ACBD5: variants seen among roughly 807,000 people sequenced by gnomAD.
ACBD5 encodes the protein acyl-CoA binding domain containing 5.
In ACBD5, 40 loss-of-function variants were observed where a neutral mutation model predicts 71.8. The ratio of observed to expected loss-of-function variants is 0.56; its 90% CI spans 0.43 to 0.72. The LOEUF (loss-of-function observed/expected upper bound fraction) is 0.72, where lower values mean the gene tolerates loss of function less well. Ranked by LOEUF, ACBD5 falls within the 30% of genes least tolerant of loss-of-function variation. The probability of loss-of-function intolerance (pLI) is 0.00; values close to 1 mark genes in which losing one functional copy is unlikely to be tolerated. For missense variants in ACBD5, 559 were observed against 644.5 expected (o/e 0.87, Z 1.44); for synonymous variants, 229 against 218.6 (o/e 1.05, Z -0.42).
chr10:27,220,829 C>T (rs968021555), intron 5 of ACBD5, among the ~76,000 whole-genome samples: 6 of 152,140 alleles, frequency 3.9e-5, no homozygotes, highest in African/African-American at 1.4e-4. Context: ...CAATGTAAAA[C>T]TGATACATCT....
chr10:27,207,945 G>C (rs1269379857), intron 10 of ACBD5, among the ~76,000 whole-genome samples: 2 of 152,116 alleles, frequency 1.3e-5, no homozygotes, highest in African/African-American at 4.8e-5. Context: ...ATAGTGGCCA[G>C]TCTGGTCTCA....
chr10:27,205,866 T>C (rs1450206188), intron 10 of ACBD5, among the ~76,000 whole-genome samples: 2 of 152,104 alleles, frequency 1.3e-5, no homozygotes, highest in Non-Finnish European at 2.9e-5. Context: ...AAGTGAATTA[T>C]GCAAATTTTA....
intron 4 of ACBD5, among the ~76,000 whole-genome samples, chr10:27,231,121 T>C (rs1324051714): frequency 6.6e-6 from 1 of 152,220 alleles, no homozygotes; most frequent in Admixed American, 6.6e-5. Context: ...AGAGTCCAGC[T>C]ACTTCCTAGA....
chr10:27,228,815 A>ATATATATATTT (rs1554856598), intron 4 of ACBD5, among the ~76,000 whole-genome samples: 3 of 20,366 alleles, frequency 1.5e-4, no homozygotes, highest in African/African-American at 3.5e-4. Flanking sequence ...ATATATATAT[A>ATATATATATTT]TTTTTTTTTT....
chr10:27,188,050 C>T (rs2058877816), intron 13 of ACBD5, among the ~76,000 whole-genome samples: 1 of 152,152 alleles, frequency 6.6e-6, no homozygotes, highest in Non-Finnish European at 1.5e-5. Context: ...AGTGTTTTTA[C>T]TTTCCATTAC....
intron 12 of ACBD5, among the ~76,000 whole-genome samples, chr10:27,200,163 C>G (rs962655378): frequency 2.6e-5 from 4 of 151,962 alleles, no homozygotes; most frequent in African/African-American, 4.8e-5. Flanking sequence ...GATAGGAGGT[C>G]GGCACAAGAT....
intron 6 of ACBD5, 51 bp downstream of exon 6, chr10:27,219,672 C>G: frequency 1.2e-6 from 2 of 1,606,492 alleles, no homozygotes; most frequent in African/African-American, 2.7e-5. Flanking sequence ...TGTCTTCATA[C>G]CCTCTTAGTT....
intron 12 of ACBD5, among the ~76,000 whole-genome samples, chr10:27,198,383 C>T (rs2059573924): frequency 6.6e-6 from 1 of 152,198 alleles, no homozygotes; most frequent in African/African-American, 2.4e-5. Context: ...CTGAGTTCTG[C>T]TCTAAAATCT....
At chr10:27,230,690 G>A (rs374708797) in intron 4 of ACBD5, among the ~76,000 whole-genome samples, 16 of 150,618 alleles carry the variant, frequency 1.1e-4, no homozygotes, top group East Asian at 5.9e-4. Flanking sequence ...CTAGCTACTT[G>A]GGAGGCTGAG....
At chr10:27,213,443 C>T (rs1057035296) in intron 8 of ACBD5, among the ~76,000 whole-genome samples, 1 of 152,040 alleles carries the variant, frequency 6.6e-6, no homozygotes, top group African/African-American at 2.4e-5. Flanking sequence ...CTGGGGAGAA[C>T]AGTATGGAAG....
downstream of ACBD5, among the ~76,000 whole-genome samples, chr10:27,190,815 G>A (rs1030180643): frequency 6.6e-6 from 1 of 152,296 alleles, no homozygotes; most frequent in East Asian, 1.9e-4. Flanking sequence ...ATATTTTAGA[G>A]GTAGGAGCAA....
In ACBD5 at chr10:27,195,498, T is replaced by C. The variant is rs2059304022; in HGVS notation, c.*1932A>G. The stretch of plus-strand genomic sequence containing the variant: ...ATTCACAACTGCTTACACTCTTAAT[T>C]TGCATTTTATTTATTTATATACTAA... On this transcript the variant is annotated 3_prime_UTR_variant, in exon 13 of 13. Transcript: ENST00000396271. The C allele has an allele frequency of 2.2e-6, 1 of 453,854 alleles. No homozygotes were observed. The highest frequency in any genetic ancestry group is 2.4e-5 in the Admixed American group (1 of 42,538). 28.1% of individuals were successfully genotyped at this position (453,854 alleles called of 1,614,324 possible). A position where few individuals can be genotyped will look rare whatever the true frequency, so the allele number is the denominator to read the frequency against.
At chr10:27,237,950 T>A (rs1243196203) in intron 2 of ACBD5, among the ~76,000 whole-genome samples, 2 of 149,810 alleles carry the variant, frequency 1.3e-5, no homozygotes, top group East Asian at 2.0e-4. Context: ...TTAATTTAAT[T>A]TAATTTTATT....
intron 3 of ACBD5, among the ~76,000 whole-genome samples, chr10:27,232,726 C>G (rs1159790163): frequency 1.3e-5 from 2 of 152,170 alleles, no homozygotes; most frequent in Non-Finnish European, 2.9e-5. Context: ...AATGGTTTCT[C>G]ACTTCTAGGA....
At chr10:27,205,000 A>G (rs899709502) in intron 11 of ACBD5, among the ~76,000 whole-genome samples, 198 bp downstream of exon 11, 5 of 151,870 alleles carry the variant, frequency 3.3e-5, no homozygotes, top group Non-Finnish European at 7.4e-5. Context: ...GGTGGCGGGC[A>G]CCTGTAGTCC....
intron 7 of ACBD5, among the ~76,000 whole-genome samples, chr10:27,217,488 G>T (rs904506120): frequency 1.3e-5 from 2 of 149,470 alleles, no homozygotes; most frequent in Admixed American, 6.7e-5. Flanking sequence ...AAAAAGAAAT[G>T]ATGTTTCTCA....
chr10:27,218,166 T>G lies in ACBD5; in HGVS notation c.643A>C (p.Lys215Gln). Residue 215 changes from lysine to glutamine, a missense_variant, in exon 7 of 13, where the codon AAG (lysine) becomes CAG (glutamine). Lys to Gln is a moderately conservative substitution (Grantham distance 53). Coordinates refer to ENST00000396271, the MANE Select transcript of ACBD5 (RefSeq NM_145698.5). ...QSDNDKKMMKKSADHKNLEVI... is the reference protein window; with the variant it reads ...QSDNDKKMMKQSADHKNLEVI... The stretch of plus-strand genomic sequence containing the variant: ...TCCAAATTCTTATGGTCTGCTGACT[T>G]CTTCATCATTTTCTTATCTTTTACG... The G allele has an allele frequency of 1.2e-6, 2 of 1,613,738 alleles. No homozygotes were observed. Among genetic ancestry groups the G allele is most frequent in the South Asian group, 1.1e-5 (1 of 91,070 alleles).
At position 27,196,995 on chromosome 10, in the gene ACBD5, A is replaced by G. The variant is rs1389753823; in HGVS notation, c.*435T>C. The G allele has an allele frequency of 2.2e-6, 1 of 451,494 alleles. No homozygotes were observed. Among genetic ancestry groups the G allele is most frequent in the Admixed American group, 2.4e-5 (1 of 42,484 alleles). 28.0% of individuals were successfully genotyped at this position (451,494 alleles called of 1,614,324 possible). Reference sequence around the variant, plus strand: ...GTCGATTACATCTCATTTGAAATTCACTCCTGGTTTGCATTCTTTCTTTTA... The same window carrying G: ...GTCGATTACATCTCATTTGAAATTCGCTCCTGGTTTGCATTCTTTCTTTTA... On this transcript the variant is annotated 3_prime_UTR_variant, in exon 13 of 13. Transcript: ENST00000396271.
At chr10:27,230,811 A>AAAG in intron 4 of ACBD5, among the ~76,000 whole-genome samples, 1 of 151,066 alleles carries the variant, frequency 6.6e-6, no homozygotes, top group Non-Finnish European at 1.5e-5. Flanking sequence ...AAAAAAAAAA[A>AAAG]AAGACTCTAT....
Sources: gnomAD v4.1 joint callset for allele counts (sites outside exome capture counted in the v4.1 genomes callset) on GRCh38, gnomAD v4.1.1 for gene constraint, MANE v1.5 for transcripts, NCBI Gene and HGNC (gene_info 2026-07-23, HGNC 2026-07-21) for gene names.